The following DNM3 variants were observed in gnomAD, a reference collection of about 807,000 sequenced individuals.
DNM3 encodes dynamin 3.
DNM3 carries 47 observed loss-of-function variants against 101.6 expected under a neutral mutation model. The ratio of observed to expected loss-of-function variants is 0.46; its 90% CI spans 0.37 to 0.59. DNM3 has a LOEUF of 0.59. DNM3 is among the 20% of genes least tolerant of loss of function. The pLI is 0.00. For missense variants in DNM3, 849 were observed against 1,085.7 expected (o/e 0.78, Z 3.06); for synonymous variants, 385 against 387.9 (o/e 0.99, Z 0.09).
chr1:172,296,420 T>G (rs2064164910), intron 15 of DNM3, among the ~76,000 whole-genome samples: 1 of 152,230 alleles, frequency 6.6e-6, no homozygotes, highest in Non-Finnish European at 1.5e-5. Flanking sequence ...TTTCCAGGTT[T>G]GAACCTGGGA....
chr1:172,155,581 G>A (rs1345342797), intron 14 of DNM3, among the ~76,000 whole-genome samples: 2 of 151,980 alleles, frequency 1.3e-5, no homozygotes, highest in East Asian at 1.9e-4. Context: ...CAGAGCCAAG[G>A]GGCTTTATAT....
intron 1 of DNM3, among the ~76,000 whole-genome samples, chr1:171,873,184 T>G (rs557372407): frequency 6.6e-6 from 1 of 152,328 alleles, no homozygotes; most frequent in Middle Eastern, 3.4e-3. Context: ...TCTCTATAAG[T>G]GACACATTTC....
chr1:172,376,800 C>G (rs541379748), intron 17 of DNM3, among the ~76,000 whole-genome samples: 1 of 151,908 alleles, frequency 6.6e-6, no homozygotes, highest in Non-Finnish European at 1.5e-5. Flanking sequence ...TTTACTAAAG[C>G]CTCTCAATTT....
chr1:172,172,405 C>T lies in DNM3; in HGVS notation c.1659+41117C>T, dbSNP rs543692934. Among the ~76,000 whole-genome samples the T allele has an allele frequency of 4.0e-5, 6 of 151,728 alleles. No individual in the cohort carries two copies. In the South Asian group the frequency reaches 1.3e-3, roughly 32 times the overall value. ...TACTAAATAACTAACAGGTGGTTAG[C>T]AAAGACAGCATGGATACGTCGGACA... On this transcript the variant is annotated intron_variant, in intron 14 of 20. Transcript: ENST00000627582.
chr1:172,317,519 A>T (rs2065445265), intron 16 of DNM3, among the ~76,000 whole-genome samples: 2 of 152,200 alleles, frequency 1.3e-5, no homozygotes, highest in Non-Finnish European at 2.9e-5. Context: ...AAAAGAGAGA[A>T]GAATCAAATA....
intron 14 of DNM3, among the ~76,000 whole-genome samples, chr1:172,148,161 TA>T (rs1258235511): frequency 6.6e-6 from 1 of 152,104 alleles, no homozygotes; most frequent in Admixed American, 6.6e-5. Context: ...TTCCTGTTGT[TA>T]AAATGCCAAT....
chr1:172,081,153 C>G (rs1460574489), intron 11 of DNM3, among the ~76,000 whole-genome samples: 1 of 152,150 alleles, frequency 6.6e-6, no homozygotes, highest in Non-Finnish European at 1.5e-5. Context: ...TGGCTATTCA[C>G]AGGCCTGATG....
chr1:171,925,313 C>T (rs12134649), intron 2 of DNM3, among the ~76,000 whole-genome samples: 23,458 of 150,956 alleles, frequency 0.16, 2,330 homozygotes, highest in South Asian at 0.26. Context: ...CTGCAAGCTC[C>T]GCCTCTTGGG....
intron 13 of DNM3, among the ~76,000 whole-genome samples, chr1:172,124,540 A>T (rs1284447679): frequency 6.6e-6 from 1 of 152,160 alleles, no homozygotes. Flanking sequence ...TAAGAAGCCT[A>T]GGCTTCCTGA....
chr1:172,239,453 G>A (rs985762035), intron 14 of DNM3, among the ~76,000 whole-genome samples: 3 of 152,114 alleles, frequency 2.0e-5, no homozygotes, highest in African/African-American at 7.2e-5. Flanking sequence ...TACCCTCTCT[G>A]AGGCATGAAT....
At chr1:172,249,100 G>A (rs1364087277) in intron 14 of DNM3, among the ~76,000 whole-genome samples, 2 of 152,092 alleles carry the variant, frequency 1.3e-5, no homozygotes, top group Admixed American at 6.6e-5. Context: ...TGCATATGCA[G>A]GTCCTTTGCA....
chr1:172,056,882 G>A (rs2050678970), intron 10 of DNM3, among the ~76,000 whole-genome samples: 1 of 152,062 alleles, frequency 6.6e-6, no homozygotes, highest in African/African-American at 2.4e-5. Flanking sequence ...GGCTTCAGAT[G>A]ATCAAATTAC....
chr1:171,851,710 G>A (rs1424042738), intron 1 of DNM3, among the ~76,000 whole-genome samples: 3 of 152,208 alleles, frequency 2.0e-5, no homozygotes, highest in African/African-American at 4.8e-5. Flanking sequence ...CACTGCACCC[G>A]ACCTGAACAG....
At chr1:172,230,148 A>C (rs961060516) in intron 14 of DNM3, among the ~76,000 whole-genome samples, 8 of 151,042 alleles carry the variant, frequency 5.3e-5, no homozygotes, top group Non-Finnish European at 1.0e-4. Flanking sequence ...TATTCTGAGA[A>C]TTCTGTGTAT....
At chr1:172,292,021 AT>A (rs1254171567) in intron 15 of DNM3, among the ~76,000 whole-genome samples, 3 of 152,224 alleles carry the variant, frequency 2.0e-5, no homozygotes, top group Non-Finnish European at 2.9e-5. Flanking sequence ...TTACTTTTAT[AT>A]TTTAAAAAGA....
chr1:172,064,789 T>C (rs1053077923), intron 10 of DNM3, among the ~76,000 whole-genome samples: 2 of 152,194 alleles, frequency 1.3e-5, no homozygotes, highest in African/African-American at 4.8e-5. Flanking sequence ...GTTTCATTAA[T>C]GCCATTCAGT....
chr1:171,919,223 G>C (rs1043174626), intron 1 of DNM3, among the ~76,000 whole-genome samples: 1 of 151,790 alleles, frequency 6.6e-6, no homozygotes, highest in Non-Finnish European at 1.5e-5. Context: ...TTGTTACATA[G>C]GTATACACAT....
At chr1:172,159,279 C>T (rs1429199326) in intron 14 of DNM3, among the ~76,000 whole-genome samples, 1 of 151,976 alleles carries the variant, frequency 6.6e-6, no homozygotes, top group Non-Finnish European at 1.5e-5. Flanking sequence ...CTTTTGTCTT[C>T]TTTGCCTCAC....
chr1:172,198,860 T>A (rs1212137140), intron 14 of DNM3, among the ~76,000 whole-genome samples: 1 of 152,058 alleles, frequency 6.6e-6, no homozygotes, highest in Non-Finnish European at 1.5e-5. Context: ...AAAAATCAAC[T>A]CCTGGATTCA....
Sources: allele counts gnomAD v4.1 joint callset (sites outside exome capture counted in the v4.1 genomes callset), GRCh38; gene constraint gnomAD v4.1.1; transcripts MANE v1.5; gene names NCBI Gene and HGNC (gene_info 2026-07-23, HGNC 2026-07-21).